GALNT11: variants seen among roughly 807,000 people sequenced by gnomAD.
The protein encoded by GALNT11 is polypeptide N-acetylgalactosaminyltransferase 11.
In GALNT11, 47 loss-of-function variants were observed where a neutral mutation model predicts 72.7. That is an observed-to-expected ratio of 0.65 (90% CI 0.51 to 0.82). The LOEUF is 0.82. Among genes scored for constraint, GALNT11 ranks in the 40% least tolerant of loss-of-function variants. The pLI is 0.00. For synonymous variants in GALNT11, 270 were observed against 286.6 expected (o/e 0.94, Z 0.58); for missense variants, 677 against 778.4 (o/e 0.87, Z 1.55).
At chr7:152,066,979 T>C (rs2084348542) in intron 1 of GALNT11, among the ~76,000 whole-genome samples, 1 of 152,174 alleles carries the variant, frequency 6.6e-6, no homozygotes, top group Non-Finnish European at 1.5e-5. Flanking sequence ...ATGGTGTTCA[T>C]ATACTTGGTC....
At chr7:152,030,803 G>GTC (rs897029727) in intron 1 of GALNT11, among the ~76,000 whole-genome samples, 1 of 151,754 alleles carries the variant, frequency 6.6e-6, no homozygotes, top group Non-Finnish European at 1.5e-5. Flanking sequence ...CTCTCTCTGT[G>GTC]TCTCTCTCTG....
chr7:152,065,396 C>T lies in GALNT11; in HGVS notation c.-38-28794C>T, dbSNP rs191390955. 2.2e-3 allele frequency among the ~76,000 whole-genome samples: 333 copies of T among 152,284 alleles called. 2 individuals carry two copies. Among genetic ancestry groups the T allele is most frequent in the Admixed American group, 6.2e-3 (95 of 15,302 alleles). ...CTTCTTTGCGATGCATTCGAACTTC[C>T]TCCTTTAGCTCGGAGTAGTTTGATC... is the stretch of plus-strand genomic sequence containing the variant. On this transcript the variant is annotated intron_variant, in intron 1 of 11. Coordinates refer to ENST00000430044, the MANE Select transcript of GALNT11 (RefSeq NM_022087.4).
At chr7:152,026,780 C>G (rs1458667208) in intron 1 of GALNT11, among the ~76,000 whole-genome samples, 3 of 152,190 alleles carry the variant, frequency 2.0e-5, no homozygotes, top group Non-Finnish European at 2.9e-5. Flanking sequence ...TTTGAGTTGT[C>G]CCACCTTTCC....
At position 152,054,235 on chromosome 7, in the gene GALNT11, A is replaced by G. The variant is rs556961960; in HGVS notation, c.-39+28351A>G. Among the ~76,000 whole-genome samples, 7 of 152,230 alleles carry G rather than the reference A, an allele frequency of 4.6e-5. No homozygotes were observed. In the South Asian group the frequency reaches 1.0e-3, roughly 23 times the overall value. ...GTAAATGTTTTCTTTAGTTTTCAATATATTTTTAGAAACTTGGAAAGAGTT... is the reference window on the plus strand; with the variant it reads ...GTAAATGTTTTCTTTAGTTTTCAATGTATTTTTAGAAACTTGGAAAGAGTT... On this transcript the variant is annotated intron_variant, in intron 1 of 11. Coordinates refer to ENST00000430044, the MANE Select transcript of GALNT11 (RefSeq NM_022087.4).
chr7:152,063,977 G>A (rs181495857), intron 1 of GALNT11, among the ~76,000 whole-genome samples: 10 of 152,286 alleles, frequency 6.6e-5, no homozygotes, highest in African/African-American at 1.9e-4. Context: ...TATTAAGTCC[G>A]CTTAGTGCAG....
rs139952857 is a variant in GALNT11, at chr7:152,039,635, G to A, written c.-39+13751G>A. Among the ~76,000 whole-genome samples, 705 of 152,250 alleles carry A rather than the reference G, an allele frequency of 4.6e-3. 7 individuals are homozygous for A. Among genetic ancestry groups the A allele is most frequent in the African/African-American group, 0.016 (653 of 41,516 alleles). On this transcript the variant is annotated intron_variant, in intron 1 of 11. Coordinates refer to ENST00000430044, the MANE Select transcript of GALNT11 (RefSeq NM_022087.4). ...CATGACAGTTGGCATCCTCCTCAGC[G>A]TCAGTCTTGACATGGCTGCAACCGG...
At chr7:152,039,459 G>A (rs2082742095) in intron 1 of GALNT11, among the ~76,000 whole-genome samples, 1 of 152,158 alleles carries the variant, frequency 6.6e-6, no homozygotes, top group Admixed American at 6.5e-5. Flanking sequence ...TGTTCTCTGT[G>A]TCAGCCCTTG....
chr7:152,061,826 T>C (rs2084035592), intron 1 of GALNT11, among the ~76,000 whole-genome samples: 1 of 152,174 alleles, frequency 6.6e-6, no homozygotes, highest in Non-Finnish European at 1.5e-5. Flanking sequence ...TCTGTTCCAT[T>C]GGTCTATATC....
chr7:152,042,893 G>T (rs2082934168), intron 1 of GALNT11, among the ~76,000 whole-genome samples: 6 of 152,194 alleles, frequency 3.9e-5, no homozygotes. Flanking sequence ...AATTGAGTGG[G>T]TGGAATTGGC....
intron 1 of GALNT11, among the ~76,000 whole-genome samples, chr7:152,091,058 GT>G (rs1181959151): frequency 6.6e-6 from 1 of 151,520 alleles, no homozygotes; most frequent in Non-Finnish European, 1.5e-5. Context: ...TGTTGTTGTT[GT>G]TTTTTTCATG....
At chr7:152,047,702 G>T (rs2083203308) in intron 1 of GALNT11, among the ~76,000 whole-genome samples, 1 of 151,826 alleles carries the variant, frequency 6.6e-6, no homozygotes, top group Admixed American at 6.6e-5. Flanking sequence ...GTGTGTGTGT[G>T]TGTGTGTGCG....
At chr7:152,089,598 A>G (rs1487383622) in intron 1 of GALNT11, among the ~76,000 whole-genome samples, 2 of 152,230 alleles carry the variant, frequency 1.3e-5, no homozygotes, top group Non-Finnish European at 2.9e-5. Context: ...GGAAAGACAA[A>G]GGAAAAGAGG....
chr7:152,120,784 A>G (rs920971837), intron 10 of GALNT11, 47 bp from the exon 11 acceptor site: 2 of 1,468,552 alleles, frequency 1.4e-6, no homozygotes, highest in African/African-American at 2.8e-5. Context: ...AGTGTTGTTC[A>G]GTCTTAAAAT....
rs1304204182 is a variant in GALNT11 at position 152,120,839 on chromosome 7, C to T, written c.1566C>T (p.Ile522=). ...TTATTTTTCTTCTCTAGATCTGGATCTATAATGAAGAGCATGAATTGGTTT... is the reference window on the plus strand; with the variant it reads ...TTATTTTTCTTCTCTAGATCTGGATTTATAATGAAGAGCATGAATTGGTTT... The part of the protein sequence containing the change: ...CDYSDPNQIW[I]YNEEHELVLN... The change falls in exon 11 of 12, where the codon ATC becomes ATT. Residue 522 remains isoleucine, a synonymous_variant. Coordinates refer to ENST00000430044, the MANE Select transcript of GALNT11 (RefSeq NM_022087.4). 5 of 1,603,740 alleles carry T rather than the reference C, an allele frequency of 3.1e-6. No individual in the cohort carries two copies. The highest frequency in any genetic ancestry group is 4.3e-6 in the Non-Finnish European group (5 of 1,172,140).
chr7:152,053,594 C>T (rs1349632503), intron 1 of GALNT11, among the ~76,000 whole-genome samples: 2 of 152,194 alleles, frequency 1.3e-5, no homozygotes, highest in African/African-American at 4.8e-5. Context: ...AAGTTTTCCA[C>T]CTGATTTATT....
chr7:152,094,440 C>G lies in GALNT11; in HGVS notation c.213C>G (p.Phe71Leu). 1 of 1,614,106 alleles carries G rather than the reference C, an allele frequency of 6.2e-7. No homozygotes were observed. The highest frequency in any genetic ancestry group is 1.3e-5 in the African/African-American group (1 of 75,038). The change falls in exon 2 of 12, where the codon TTC becomes TTG. Residue 71 changes from phenylalanine (F) to leucine (L), a missense_variant. By Grantham distance (22) the Phe-to-Leu change is conservative (BLOSUM62 0). Coordinates refer to ENST00000430044, the MANE Select transcript of GALNT11 (RefSeq NM_022087.4). This position sits in a 1 kb window ranked among gnomAD's most constrained non-coding sequence, Gnocchi z 4.3. ...RGPSRVLEPQFKANKIDDVID... is the reference protein window; with the variant it reads ...RGPSRVLEPQLKANKIDDVID... ...CAAGTCGAGTGCTCGAGCCACAGTT[C>G]AAAGCAAACAAAATTGACGATGTGA...
At chr7:152,078,293 C>T (rs2085104784) in intron 1 of GALNT11, among the ~76,000 whole-genome samples, 2 of 152,114 alleles carry the variant, frequency 1.3e-5, no homozygotes, top group South Asian at 2.1e-4. Context: ...TCGGCTTACC[C>T]CAAATCCAAG....
intron 3 of GALNT11, 69 bp downstream of exon 3, chr7:152,100,990 C>G: frequency 1.3e-6 from 2 of 1,572,480 alleles, no homozygotes; most frequent in Admixed American, 3.5e-5. Flanking sequence ...TGTAAGAGGT[C>G]ACGAGGACGG....
At chr7:152,037,061 T>C (rs1003268585) in intron 1 of GALNT11, among the ~76,000 whole-genome samples, 6 of 152,248 alleles carry the variant, frequency 3.9e-5, no homozygotes, top group Non-Finnish European at 8.8e-5. Context: ...TGTTCCTTTG[T>C]TGTACAGAAG....
Sources: allele counts gnomAD v4.1 joint callset (sites outside exome capture counted in the v4.1 genomes callset), GRCh38; gene constraint gnomAD v4.1.1; non-coding constraint Gnocchi (gnomAD v3.1); transcripts MANE v1.5; gene names NCBI Gene and HGNC (gene_info 2026-07-23, HGNC 2026-07-21).